The following NEB variants were observed in gnomAD, a reference collection of about 807,000 sequenced individuals.
The protein encoded by NEB is nebulin, also known as nemaline myopathy type 2.
NEB carries 512 observed loss-of-function variants against 952.2 expected under a neutral mutation model. The ratio of observed to expected loss-of-function variants is 0.54; its 90% CI spans 0.50 to 0.58. The LOEUF (loss-of-function observed/expected upper bound fraction) is 0.58. Ranked by LOEUF, NEB falls within the 20% of genes least tolerant of loss-of-function variation. NEB has a pLI of 0.00. For missense variants in NEB, 8,428 were observed against 9,231.1 expected, an observed-to-expected ratio of 0.91 and a Z score of 3.56; for synonymous variants, 2,900 against 3,149.8, an observed-to-expected ratio of 0.92 and a Z score of 2.66.
Position 151,525,164 on chromosome 2 carries a change from T to C in NEB, c.22271A>G (p.Asp7424Gly). Residue 7424 changes from aspartate to glycine, a missense_variant and splice_region_variant, in exon 151 of 182, where the codon GAT becomes GGT. Physicochemically the swap from Asp to Gly is moderately conservative, Grantham distance 94. Around this residue, in one of 11 missense-constraint regions of NEB, gnomAD observed 3,374 missense variants for 3,651.5 expected, o/e 0.92. Transcript: ENST00000397345. ...HAMEVAKKQS[D>G]VAYRKDAKEN... is the part of the protein sequence containing the mutation. Reference sequence around the variant, plus strand: ...AGAGTGTTGAGAGGGAAAACTTACATCACTTTGCTTCTTGGCCACTTCCAT... The same window carrying C: ...AGAGTGTTGAGAGGGAAAACTTACACCACTTTGCTTCTTGGCCACTTCCAT... 1 of 1,610,310 alleles carries C rather than the reference T, an allele frequency of 6.2e-7. No homozygotes were observed. The highest frequency in any genetic ancestry group is 8.5e-7 in the Non-Finnish European group (1 of 1,176,502).
intron 9 of NEB, among the ~76,000 whole-genome samples, chr2:151,721,893 C>A (rs1468249725): frequency 1.3e-5 from 2 of 152,172 alleles, no homozygotes. Flanking sequence ...TTCTCTATTT[C>A]CTAACTTACC....
intron 153 of NEB, among the ~76,000 whole-genome samples, chr2:151,523,603 T>C (rs1028445062): frequency 2.0e-5 from 3 of 152,226 alleles, no homozygotes; most frequent in African/African-American, 7.2e-5. Flanking sequence ...ATCTCTGAGC[T>C]AAAGTCTGAA....
At chr2:151,494,690 C>T (rs559182058) in intron 173 of NEB, among the ~76,000 whole-genome samples, 2 of 152,242 alleles carry the variant, frequency 1.3e-5, no homozygotes, top group African/African-American at 4.8e-5. Context: ...GCTCTGTCAC[C>T]CAGGCTGGAG....
At chr2:151,682,819 A>C (rs749091687) in intron 28 of NEB, 50 bp from the exon 29 acceptor site, 2 of 1,468,780 alleles carry the variant, frequency 1.4e-6, no homozygotes, top group African/African-American at 2.8e-5. Context: ...CATCCTCATT[A>C]TGTAAAATCA....
rs559340875 is a variant in NEB, at chr2:151,515,863, A to G, written c.22905+596T>C. On this transcript the variant is annotated intron_variant, in intron 157 of 181. Transcript: ENST00000397345. ...CTTTTATTTAAAACAATTTTTCTTTATAGTTGGAGGAAGAGAGGCAAATGG... is the reference window on the plus strand; with the variant it reads ...CTTTTATTTAAAACAATTTTTCTTTGTAGTTGGAGGAAGAGAGGCAAATGG... 6.6e-5 allele frequency among the ~76,000 whole-genome samples: 10 copies of G among 152,288 alleles called. No homozygotes were observed. In the East Asian group the frequency reaches 1.9e-3, roughly 29 times the overall value.
intron 134 of NEB, 100 bp from the exon 135 acceptor site, chr2:151,546,098 G>T (rs1467506317): frequency 2.4e-6 from 2 of 846,446 alleles, no homozygotes; most frequent in East Asian, 2.6e-5. Context: ...AAGCTGAGCA[G>T]GGCTTTCATG....
At chr2:151,531,133 TC>T (rs779688808) in intron 144 of NEB, 32 bp from the exon 145 acceptor site, 1 of 1,363,126 alleles carries the variant, frequency 7.3e-7, no homozygotes, top group Non-Finnish European at 1.0e-6. Flanking sequence ...AGACATCATG[TC>T]ATGCTTCTCA....
chr2:151,496,613 T>C (rs879609383), intron 172 of NEB, among the ~76,000 whole-genome samples: 6 of 151,884 alleles, frequency 4.0e-5, no homozygotes, highest in Non-Finnish European at 8.8e-5. Flanking sequence ...ATCCATGTTA[T>C]TTTTTTTCAT....
intron 52 of NEB, among the ~76,000 whole-genome samples, chr2:151,652,278 T>C (rs868748763): frequency 5.9e-5 from 9 of 152,190 alleles, no homozygotes; most frequent in Non-Finnish European, 1.2e-4. Flanking sequence ...CAGGCTGGAG[T>C]GCAGTGGTGC....
chr2:151,519,282 T>C (rs545439230), intron 154 of NEB, among the ~76,000 whole-genome samples: 1 of 152,346 alleles, frequency 6.6e-6, no homozygotes, highest in South Asian at 2.1e-4. Flanking sequence ...TACAATGGAA[T>C]ATTATTTAGC....
chr2:151,534,358 C>A, intron 142 of NEB: 1 of 1,554,518 alleles, frequency 6.4e-7, no homozygotes, highest in South Asian at 1.1e-5. Context: ...AAGAGTACAA[C>A]TTCAAGGCTA....
chr2:151,559,587 T>TGGA (rs1203792943), intron 124 of NEB, among the ~76,000 whole-genome samples: 1 of 152,194 alleles, frequency 6.6e-6, no homozygotes, highest in African/African-American at 2.4e-5. Context: ...ATGGCATATA[T>TGGA]ACACCATGGA....
intron 143 of NEB, among the ~76,000 whole-genome samples, chr2:151,532,419 C>T (rs572684413): frequency 6.6e-6 from 1 of 152,178 alleles, no homozygotes; most frequent in South Asian, 2.1e-4. Context: ...AAAGATGAAA[C>T]AGGGATGTAA....
At chr2:151,687,759 A>G in intron 25 of NEB, 26 bp from the exon 26 acceptor site, 5 of 1,546,906 alleles carry the variant, frequency 3.2e-6, no homozygotes, top group Non-Finnish European at 4.4e-6. Context: ...TCAGCAAAGG[A>G]ATGATAAGAA....
intron 55 of NEB, among the ~76,000 whole-genome samples, chr2:151,645,851 G>A (rs925453015): frequency 9.9e-5 from 15 of 152,092 alleles, no homozygotes; most frequent in African/African-American, 3.4e-4. Context: ...TGCAAAGAGT[G>A]CCTGTCCACA....
At chr2:151,720,755 T>C (rs1159024830) in intron 9 of NEB, among the ~76,000 whole-genome samples, 1 of 152,238 alleles carries the variant, frequency 6.6e-6, no homozygotes, top group African/African-American at 2.4e-5. Flanking sequence ...CTCATCCTTT[T>C]GCTGGCTCCT....
intron 64 of NEB, among the ~76,000 whole-genome samples, 197 bp from the exon 65 acceptor site, chr2:151,634,162 T>C (rs149672020): frequency 1.6e-3 from 248 of 152,252 alleles, no homozygotes; most frequent in African/African-American, 5.7e-3. Context: ...TTGTAGTATA[T>C]ACCCCAAATC....
rs576254823 is a variant in NEB at position 151,720,973 on chromosome 2, A to G, written c.717+2409T>C. 2.6e-5 allele frequency among the ~76,000 whole-genome samples: 4 copies of G among 152,124 alleles called. No homozygotes were observed. The East Asian group carries it at 7.8e-4, about 29-fold the overall frequency. The stretch of plus-strand genomic sequence containing the variant: ...ATCTGAAGTTTCCTTCAATCATCTC[A>G]ACTCCATTTCTCTTTCCATTAACGC... On this transcript the variant is annotated intron_variant, in intron 9 of 181. Coordinates refer to ENST00000397345, the MANE Select transcript of NEB (RefSeq NM_001164508.2).
chr2:151,685,039 A>C (rs1457950758), intron 27 of NEB, 64 bp from the exon 28 acceptor site: 21 of 1,432,588 alleles, frequency 1.5e-5, no homozygotes, highest in Non-Finnish European at 1.9e-5. Context: ...AAAGACAGAG[A>C]TCTTTCATAA....
Sources: allele counts gnomAD v4.1 joint callset (sites outside exome capture counted in the v4.1 genomes callset), GRCh38; gene constraint gnomAD v4.1.1; regional missense constraint gnomAD v4.1.1; transcripts MANE v1.5; gene names NCBI Gene and HGNC (gene_info 2026-07-23, HGNC 2026-07-21).